Variants in GIPR observed in about 807,000 individuals in gnomAD.
GIPR encodes the protein GIP-R.
Under a neutral mutation model 62.2 loss-of-function variants are expected in GIPR, and 74 were observed. That is an observed-to-expected ratio of 1.19 (90% CI 0.99 to 1.44). The LOEUF is 1.44. GIPR is among the 40% of genes most tolerant of loss of function. The pLI, the probability that GIPR is intolerant of heterozygous loss-of-function variation, is 0.00. For missense variants in GIPR, 664 were observed against 611.8 expected (o/e 1.09, Z -0.90); for synonymous variants, 256 against 262.2 (o/e 0.98, Z 0.23).
rs372407632 is a variant in GIPR at position 45,674,834 on chromosome 19, T to A, written c.633+8T>A. 72 of 1,613,548 alleles carry A rather than the reference T, an allele frequency of 4.5e-5. 1 individual carries two copies. In the African/African-American group the frequency reaches 7.6e-4, roughly 17 times the overall value. ...CTTGCGCTGTGGAACCAGGTGGGCATCCTCCTTCCGTTCCTCCAAATGGGA... is the reference window on the plus strand; with the variant it reads ...CTTGCGCTGTGGAACCAGGTGGGCAACCTCCTTCCGTTCCTCCAAATGGGA... On this transcript the variant is annotated splice_region_variant and intron_variant, in intron 7 of 13. Transcript: ENST00000590918.
intron 12 of GIPR, 122 bp from the exon 13 acceptor site, chr19:45,681,482 C>A: frequency 1.1e-6 from 1 of 883,692 alleles, no homozygotes; most frequent in Non-Finnish European, 1.9e-6. Flanking sequence ...GCAACAAGAG[C>A]AATATTCCGA....
intron 6 of GIPR, 167 bp from the exon 7 acceptor site, chr19:45,674,515 G>A (rs886657020): frequency 2.9e-6 from 2 of 683,204 alleles, no homozygotes; most frequent in African/African-American, 3.6e-5. Flanking sequence ...GCTGAGACAG[G>A]AGGATTGCTT....
chr19:45,675,046 C>A, intron 7 of GIPR: 1 of 595,108 alleles, frequency 1.7e-6, no homozygotes, highest in South Asian at 2.0e-5. Context: ...GCCTATCACT[C>A]CCATACTGGA....
rs188871179 is a variant in GIPR at position 45,679,872 on chromosome 19, C to T, written c.1152+1646C>T. ...GAAACCTCTACTTCCCAGATTCGAG[C>T]GATTCTCTTGCCTCAGCCTCCCAAG... On this transcript the variant is annotated intron_variant, in intron 12 of 13. Coordinates refer to ENST00000590918, the MANE Select transcript of GIPR (RefSeq NM_000164.4). Among the ~76,000 whole-genome samples the T allele has an allele frequency of 5.1e-4, 77 of 152,164 alleles. No homozygotes were observed. The Middle Eastern group carries it at 0.01, about 20-fold the overall frequency.
At chr19:45,671,421 C>A (rs1335967819) in intron 4 of GIPR, 29 bp downstream of exon 4, 1 of 1,395,848 alleles carries the variant, frequency 7.2e-7, no homozygotes, top group Non-Finnish European at 1.0e-6. Flanking sequence ...CCGGAGCCCT[C>A]CCCAGACACA....
chr19:45,676,426 AT>A (rs869190523), intron 7 of GIPR, among the ~76,000 whole-genome samples: 1,817 of 73,604 alleles, frequency 0.025, 5 homozygotes, highest in African/African-American at 0.037. Flanking sequence ...AAAGAAGCTG[AT>A]TTTTTTTTTT....
chr19:45,682,038 G>GA lies in GIPR; in HGVS notation c.*109dup, dbSNP rs1223041762. The GA allele has an allele frequency of 3.7e-5, 37 of 1,005,820 alleles. No individual in the cohort carries two copies. The highest frequency in any genetic ancestry group is 5.1e-5 in the Non-Finnish European group (34 of 660,368). The allele number at this position is 1,005,820 out of a possible 1,614,324, so 62.3% of individuals were successfully genotyped here. A position where few individuals can be genotyped will look rare whatever the true frequency, so the allele number is the denominator to read the frequency against. On this transcript the variant is annotated 3_prime_UTR_variant, in exon 14 of 14. Coordinates refer to ENST00000590918, the MANE Select transcript of GIPR (RefSeq NM_000164.4). ...CGCTGGGGAAATGGTGAAGGAAACA[G>GA]AAAAAAGGTCCCTGCCCTTCTGGAG...
intron 12 of GIPR, among the ~76,000 whole-genome samples, chr19:45,680,869 A>G (rs1265730169): frequency 6.6e-6 from 1 of 151,832 alleles, no homozygotes; most frequent in Admixed American, 6.6e-5. Flanking sequence ...GCAAAAAACA[A>G]AACGGCAACA....
intron 7 of GIPR, among the ~76,000 whole-genome samples, chr19:45,676,598 T>C (rs1406838065): frequency 6.6e-6 from 1 of 151,750 alleles, no homozygotes; most frequent in Non-Finnish European, 1.5e-5. Flanking sequence ...CACACCTGGC[T>C]AATTTTTGTA....
chr19:45,670,449 A>G (rs371765231), intron 2 of GIPR, 186 bp from the exon 3 acceptor site: 3 of 538,898 alleles, frequency 5.6e-6, no homozygotes, highest in Non-Finnish European at 1.0e-5. Flanking sequence ...TCCCATAGCA[A>G]CTCCAGTGGG....
At chr19:45,669,380 C>G in intron 1 of GIPR, 97 bp from the exon 2 acceptor site, 1 of 1,234,784 alleles carries the variant, frequency 8.1e-7, no homozygotes, top group Non-Finnish European at 1.1e-6. Context: ...ATACGGCTCC[C>G]CAGCCGTCTG....
intron 2 of GIPR, among the ~76,000 whole-genome samples, chr19:45,670,002 G>A (rs760419041): frequency 1.3e-5 from 2 of 151,682 alleles, no homozygotes; most frequent in African/African-American, 4.8e-5. Flanking sequence ...AGACTGTCCC[G>A]CTTGCCCAGA....
In GIPR at chr19:45,672,880, G is replaced by A. The variant is rs759364715; in HGVS notation, c.310G>A (p.Gly104Ser). ...VAAGFVLRQC[G>S]SDGQWGLWRD... ...TGCAGGTTTCGTCCTCCGCCAGTGTGGCAGTGATGGCCAATGGGGACTTTG... is the reference window on the plus strand; with the variant it reads ...TGCAGGTTTCGTCCTCCGCCAGTGTAGCAGTGATGGCCAATGGGGACTTTG... Residue 104 changes from glycine (G) to serine (S), a missense_variant, in exon 5 of 14, where the codon GGC becomes AGC. Transcript: ENST00000590918. 1.1e-5 allele frequency: 18 copies of A among 1,613,078 alleles called. No individual in the cohort carries two copies.
chr19:45,677,298 G>T lies in GIPR; in HGVS notation c.794-25G>T, dbSNP rs559101732. On this transcript the variant is annotated intron_variant, in intron 8 of 13. Transcript: ENST00000590918. Reference sequence around the variant, plus strand: ...CGCGCTGACAGCTGCGGCGGGGTGGGGGGGCGGGGTCGGGGTCTGCACAGG... The same window carrying T: ...CGCGCTGACAGCTGCGGCGGGGTGGTGGGGCGGGGTCGGGGTCTGCACAGG... 4.3e-4 allele frequency: 641 copies of T among 1,474,624 alleles called. 1 individual carries two copies. Among genetic ancestry groups the T allele is most frequent in the Non-Finnish European group, 5.3e-4 (574 of 1,083,464 alleles). The allele number at this position is 1,474,624 out of a possible 1,614,324, so 91.3% of individuals were successfully genotyped here.
chr19:45,677,302 G>C, intron 8 of GIPR, 21 bp from the exon 9 acceptor site: 6 of 1,423,560 alleles, frequency 4.2e-6, no homozygotes, highest in Non-Finnish European at 5.8e-6. Context: ...GGGTGGGGGG[G>C]CGGGGTCGGG....
At position 45,677,719 on chromosome 19, in the gene GIPR, G is replaced by A. The variant is rs778523534; in HGVS notation, c.864G>A (p.Glu288=). 1.9e-6 allele frequency: 3 copies of A among 1,612,522 alleles called. No homozygotes were observed. The African/African-American group carries it at 4.0e-5, about 22-fold the overall frequency. ...ACTCCGCCTTCCCCAGGTGCTGGGA[G>A]CGCAACGAAGTCAAGGCCATTTGGT... is the stretch of plus-strand genomic sequence containing the variant. ...RYLYENTQCW[E]RNEVKAIWWI... The change falls in exon 10 of 14, where the codon GAG becomes GAA. Residue 288 remains glutamate (E), a synonymous_variant. Coordinates refer to ENST00000590918, the MANE Select transcript of GIPR (RefSeq NM_000164.4).
chr19:45,668,786 C>T (rs1975388702), intron 1 of GIPR, among the ~76,000 whole-genome samples: 1 of 152,240 alleles, frequency 6.6e-6, no homozygotes, highest in South Asian at 2.1e-4. Flanking sequence ...GGCATCTGCA[C>T]ATCTAACCCC....
At position 45,677,028 on chromosome 19, in the gene GIPR, G is replaced by C; in HGVS notation, c.713G>C (p.Gly238Ala). The C allele has an allele frequency of 6.2e-7, 1 of 1,613,350 alleles. No individual in the cohort carries two copies. The highest frequency in any genetic ancestry group is 8.5e-7 in the Non-Finnish European group (1 of 1,179,292). Residue 238 changes from glycine to alanine, a missense_variant, in exon 8 of 14, where the codon GGC (glycine) becomes GCC (alanine). Transcript: ENST00000590918. Reference sequence around the variant, plus strand: ...AACTACACGTGGCTGCTGGTGGAGGGCGTCTACCTGCACAGTCTCCTGGTG... The same window carrying C: ...AACTACACGTGGCTGCTGGTGGAGGCCGTCTACCTGCACAGTCTCCTGGTG... ...GANYTWLLVE[G>A]VYLHSLLVLV... is the part of the protein sequence containing the mutation.
At chr19:45,678,395 G>A (rs962467321) in intron 12 of GIPR, 169 bp downstream of exon 12, 2 of 821,966 alleles carry the variant, frequency 2.4e-6, no homozygotes, top group Non-Finnish European at 3.9e-6. Flanking sequence ...ACGGATTCTC[G>A]CCCTGTCGCC....
Sources: gnomAD v4.1 joint callset for allele counts (sites outside exome capture counted in the v4.1 genomes callset) on GRCh38, gnomAD v4.1.1 for gene constraint, MANE v1.5 for transcripts, NCBI Gene and HGNC (gene_info 2026-07-23, HGNC 2026-07-21) for gene names.